The following ATG7 variants were observed in gnomAD, a reference collection of about 807,000 sequenced individuals.
The protein encoded by ATG7 is autophagy related 7, also known as ubiquitin-like modifier-activating enzyme ATG7.
A neutral mutation model predicts 82.4 loss-of-function variants in ATG7; 70 were observed. The observed-to-expected ratio is 0.85, with a 90% CI of 0.70 to 1.04. ATG7 has a LOEUF of 1.04. Among genes scored for constraint, ATG7 ranks in the 50% least tolerant of loss-of-function variants. The pLI, the probability that ATG7 is intolerant of heterozygous loss-of-function variation, is 0.00. For missense variants in ATG7, 792 were observed against 864.3 expected (o/e 0.92, Z 1.05); for synonymous variants, 287 against 313.0 (o/e 0.92, Z 0.88).
intron 9 of ATG7, among the ~76,000 whole-genome samples, chr3:11,315,990 A>C (rs1949356994): frequency 6.6e-6 from 1 of 152,152 alleles, no homozygotes; most frequent in African/African-American, 2.4e-5. Flanking sequence ...AACTGCTGGG[A>C]TTATAGGTGT....
intron 19 of ATG7, among the ~76,000 whole-genome samples, chr3:11,419,098 G>A (rs1468016125): frequency 6.6e-6 from 1 of 152,164 alleles, no homozygotes; most frequent in African/African-American, 2.4e-5. Flanking sequence ...TGAAGTTTTT[G>A]AGAAATACAT....
intron 20 of ATG7, among the ~76,000 whole-genome samples, chr3:11,476,135 A>G (rs2088184719): frequency 6.6e-6 from 1 of 152,196 alleles, no homozygotes; most frequent in Admixed American, 6.5e-5. Flanking sequence ...TTTGTACCCT[A>G]AGGTGTAGAG....
rs1386943052 is a variant in ATG7, at chr3:11,422,769, T to TTTTTTTTTTTTTTG, written c.1957-4035_1957-4034insTTTTTTTTTTTTTG. The stretch of plus-strand genomic sequence containing the variant: ...TTTTTTTTTTTTTTTTTTTTTTTTT[T>TTTTTTTTTTTTTTG]GGAGACAGAGTCTCACTCCGTTGCC... On this transcript the variant is annotated intron_variant, in intron 19 of 20. Transcript: ENST00000693202. 8.8e-5 allele frequency among the ~76,000 whole-genome samples: 9 copies of TTTTTTTTTTTTTTG among 102,696 alleles called. 3 individuals are homozygous for TTTTTTTTTTTTTTG. Among genetic ancestry groups the TTTTTTTTTTTTTTG allele is most frequent in the African/African-American group, 3.6e-4 (9 of 25,270 alleles). The allele number at this position is 102,696 out of a possible 152,430, so 67.4% of individuals were successfully genotyped here. A position where few individuals can be genotyped will look rare whatever the true frequency, so the allele number is the denominator to read the frequency against.
chr3:11,555,867 A>T lies in ATG7; in HGVS notation c.*1024A>T, dbSNP rs1301598677. The T allele has an allele frequency of 6.6e-6, 1 of 152,282 alleles. No individual in the cohort carries two copies. The highest frequency in any genetic ancestry group is 2.4e-5 in the African/African-American group (1 of 41,422). 9.4% of individuals were successfully genotyped at this position (152,282 alleles called of 1,614,324 possible). ...GTCTTAGGCCCAGAATCAAAGTGAA[A>T]ATTGAGTCGAGCTGACCCTTACAAC... is the stretch of plus-strand genomic sequence containing the variant. On this transcript the variant is annotated 3_prime_UTR_variant, in exon 21 of 21. Coordinates refer to ENST00000693202, the MANE Select transcript of ATG7 (RefSeq NM_001349232.2).
chr3:11,336,169 G>A (rs1365553587), intron 11 of ATG7, among the ~76,000 whole-genome samples: 1 of 149,876 alleles, frequency 6.7e-6, no homozygotes, highest in Non-Finnish European at 1.5e-5. Context: ...GAGTAGCTGG[G>A]ACTACAGGTA....
intron 20 of ATG7, among the ~76,000 whole-genome samples, chr3:11,442,739 CAAAAAAAAAA>C (rs57073881): frequency 5.3e-4 from 37 of 69,248 alleles, no homozygotes; most frequent in South Asian, 1.3e-3. Context: ...TCCATCTCTA[CAAAAAAAAAA>C]AAAAAAAAAA....
chr3:11,438,127 T>G (rs754973194), intron 20 of ATG7, among the ~76,000 whole-genome samples: 1 of 152,154 alleles, frequency 6.6e-6, no homozygotes. Flanking sequence ...ACAATTACCC[T>G]ATTAGGCAAC....
intron 19 of ATG7, among the ~76,000 whole-genome samples, chr3:11,404,778 C>G (rs1202430665): frequency 6.6e-6 from 1 of 152,068 alleles, no homozygotes; most frequent in East Asian, 1.9e-4. Flanking sequence ...TGGCAGCAGA[C>G]AAGGGCTTGT....
At chr3:11,527,041 A>ATGTG (rs370131709) in intron 20 of ATG7, among the ~76,000 whole-genome samples, 69 of 138,320 alleles carry the variant, frequency 5.0e-4, no homozygotes, top group African/African-American at 1.5e-3. Flanking sequence ...GTGTGTATAT[A>ATGTG]TGTGTGTGTG....
chr3:11,367,826 A>G (rs2076729532), intron 18 of ATG7, among the ~76,000 whole-genome samples: 1 of 151,640 alleles, frequency 6.6e-6, no homozygotes, highest in African/African-American at 2.4e-5. Context: ...AGGCAGCAGT[A>G]AGTATAAGCT....
chr3:11,424,279 A>G (rs1471252832), intron 19 of ATG7, among the ~76,000 whole-genome samples: 2 of 152,154 alleles, frequency 1.3e-5, no homozygotes, highest in Non-Finnish European at 2.9e-5. Flanking sequence ...TTTTATATTA[A>G]TATTTAAAAT....
At chr3:11,376,478 T>C (rs2077424651) in intron 18 of ATG7, among the ~76,000 whole-genome samples, 1 of 152,162 alleles carries the variant, frequency 6.6e-6, no homozygotes, top group Non-Finnish European at 1.5e-5. Context: ...GAGGTGTGTT[T>C]GAGCTGAGTG....
Position 11,336,372 on chromosome 3 carries a change from C to A in ATG7, c.889+3279C>A, listed in dbSNP as rs144184912. Among the ~76,000 whole-genome samples, 158 of 152,196 alleles carry A rather than the reference C, an allele frequency of 1.0e-3. 1 individual carries two copies. The highest frequency in any genetic ancestry group is 3.5e-3 in the African/African-American group (147 of 41,528). On this transcript the variant is annotated intron_variant, in intron 11 of 20. Coordinates refer to ENST00000693202, the MANE Select transcript of ATG7 (RefSeq NM_001349232.2). ...AACTCAGGAACCACACCGTACATTT[C>A]CATTTGAAAAAGGTTTTCTGTCGTC...
intron 20 of ATG7, among the ~76,000 whole-genome samples, chr3:11,494,567 G>T (rs899088653): frequency 3.3e-5 from 5 of 152,222 alleles, no homozygotes; most frequent in African/African-American, 1.2e-4. Context: ...GCAAAGCTAG[G>T]ATTAGGAAGA....
intron 19 of ATG7, among the ~76,000 whole-genome samples, chr3:11,406,603 C>T (rs1370212877): frequency 1.1e-4 from 16 of 152,162 alleles, no homozygotes; most frequent in Admixed American, 1.0e-3. Context: ...TAAAGATATA[C>T]CCAAGACTGG....
At chr3:11,456,530 C>CT (rs1210462334) in intron 20 of ATG7, among the ~76,000 whole-genome samples, 3 of 152,082 alleles carry the variant, frequency 2.0e-5, no homozygotes, top group Admixed American at 6.6e-5. Context: ...TGTGTCGTAA[C>CT]TTTTTTGTTC....
In ATG7 at chr3:11,426,959, C is replaced by T. The variant is rs1414045268; in HGVS notation, c.2079+33C>T. ...CAAAACAAGCTTTCTGTAGTGAAGA[C>T]TGACATGCTTAAAACTATTTGATAT... is the stretch of plus-strand genomic sequence containing the variant. On this transcript the variant is annotated intron_variant, in intron 20 of 20. Coordinates refer to ENST00000693202, the MANE Select transcript of ATG7 (RefSeq NM_001349232.2). 7.1e-6 allele frequency: 11 copies of T among 1,547,454 alleles called. No homozygotes were observed. In the East Asian group the frequency reaches 1.4e-4, roughly 20 times the overall value.
At position 11,358,427 on chromosome 3, in the gene ATG7, G is replaced by T; in HGVS notation, c.1294G>T (p.Gly432Ter). ...CCTGGTGTTTCCCTAGAATGCCAGA[G>T]GATTCAACATGAGCATACCTATGCC... ...QKIFPGVNAR[G>*]FNMSIPMPGH... The change falls in exon 15 of 21, where the codon GGA becomes TGA. Residue 432 changes from glycine to a stop codon, truncating the protein, a stop_gained. Transcript: ENST00000693202. LOFTEE classifies it high-confidence loss of function. 1 of 1,612,918 alleles carries T rather than the reference G, an allele frequency of 6.2e-7. No individual in the cohort carries two copies. The highest frequency in any genetic ancestry group is 1.1e-5 in the South Asian group (1 of 90,904).
intron 5 of ATG7, among the ~76,000 whole-genome samples, chr3:11,303,370 G>GA (rs953259500): frequency 1.5e-4 from 23 of 151,350 alleles, no homozygotes; most frequent in Admixed American, 3.3e-4. Flanking sequence ...GTGAAGCTGA[G>GA]AAAAAAAAAG....
Sources: allele counts gnomAD v4.1 joint callset (sites outside exome capture counted in the v4.1 genomes callset), GRCh38; gene constraint gnomAD v4.1.1; transcripts MANE v1.5; gene names NCBI Gene and HGNC (gene_info 2026-07-23, HGNC 2026-07-21).